ACVR1: variants seen among roughly 807,000 people sequenced by gnomAD.
ACVR1 encodes the protein activin A receptor type 1, also known as activin receptor type-1.
Under a neutral mutation model 57.1 loss-of-function variants are expected in ACVR1, and 38 were observed. That is an observed-to-expected ratio of 0.67 (90% confidence interval 0.51 to 0.87). The LOEUF (loss-of-function observed/expected upper bound fraction) is 0.87. Ranked by LOEUF, ACVR1 falls within the 40% of genes least tolerant of loss-of-function variation. The pLI is 0.00. For missense variants in ACVR1, 463 were observed against 638.2 expected (o/e 0.73, Z 2.96); for synonymous variants, 212 against 228.1 (o/e 0.93, Z 0.63).
intron 9 of ACVR1, among the ~76,000 whole-genome samples, chr2:157,746,351 T>A (rs1447943841): frequency 6.6e-6 from 1 of 152,096 alleles, no homozygotes; most frequent in Admixed American, 6.5e-5. Flanking sequence ...ACGAAACTGA[T>A]GTAAGTCATC....
Position 157,766,153 on chromosome 2 carries a change from C to T in ACVR1, c.834G>A (p.Gln278=). ...SDMTSRHSST[Q]LWLITHYHEM... ...CATGATAATGTGTAATTAACCACAG[C>T]TGGGTACTGGAGTGTCTTGATGTCA... The change falls in exon 8 of 11, where the codon CAG becomes CAA. Residue 278 remains glutamine, a synonymous_variant. Transcript: ENST00000434821. 6 of 1,614,056 alleles carry T rather than the reference C, an allele frequency of 3.7e-6. No homozygotes were observed. Among genetic ancestry groups the T allele is most frequent in the Non-Finnish European group, 5.1e-6 (6 of 1,179,996 alleles).
intron 2 of ACVR1, among the ~76,000 whole-genome samples, chr2:157,800,175 A>G (rs1687269437): frequency 6.6e-6 from 1 of 152,238 alleles, no homozygotes; most frequent in African/African-American, 2.4e-5. Flanking sequence ...CAGGAATGTG[A>G]TGGGAGTTTG....
At chr2:157,771,190 C>G (rs183415105) in intron 6 of ACVR1, among the ~76,000 whole-genome samples, 49 of 152,272 alleles carry the variant, frequency 3.2e-4, no homozygotes, top group Non-Finnish European at 5.6e-4. Context: ...ATACATAATC[C>G]CAGAAGAGTT....
chr2:157,746,408 T>C (rs1574011241), intron 9 of ACVR1, among the ~76,000 whole-genome samples: 1 of 152,204 alleles, frequency 6.6e-6, no homozygotes, highest in African/African-American at 2.4e-5. Flanking sequence ...GTGATTCCAC[T>C]TCACTGCCTC....
intron 8 of ACVR1, among the ~76,000 whole-genome samples, chr2:157,761,349 C>T (rs1685648902): frequency 6.6e-6 from 1 of 152,114 alleles, no homozygotes; most frequent in Admixed American, 6.5e-5. Flanking sequence ...TAGACCAATG[C>T]ACTAAACCAA....
intron 2 of ACVR1, among the ~76,000 whole-genome samples, chr2:157,814,719 T>C (rs1687869635): frequency 6.6e-6 from 1 of 152,206 alleles, no homozygotes. Context: ...AAACTGGAAA[T>C]GATCTATATA....
At chr2:157,801,803 T>C (rs1265644206) in intron 2 of ACVR1, among the ~76,000 whole-genome samples, 1 of 152,220 alleles carries the variant, frequency 6.6e-6, no homozygotes, top group Non-Finnish European at 1.5e-5. Context: ...TTATGGGATA[T>C]GTCATCACAA....
intron 1 of ACVR1, among the ~76,000 whole-genome samples, chr2:157,823,472 G>A (rs1196965790): frequency 2.0e-5 from 3 of 152,054 alleles, no homozygotes; most frequent in African/African-American, 4.8e-5. Flanking sequence ...GGGGAACGAG[G>A]GCAGAGCATG....
chr2:157,823,254 C>T (rs1463077876), intron 1 of ACVR1, among the ~76,000 whole-genome samples: 2 of 152,162 alleles, frequency 1.3e-5, no homozygotes, highest in African/African-American at 4.8e-5. Flanking sequence ...ATTGTGTTGA[C>T]TCATACAATT....
At position 157,807,860 on chromosome 2, in the gene ACVR1, G is replaced by GA. The variant is rs200458528; in HGVS notation, c.-7-8361_-7-8360insT. Among the ~76,000 whole-genome samples the GA allele has an allele frequency of 7.7e-3, 741 of 96,576 alleles. 43 individuals carry two copies. The highest frequency in any genetic ancestry group is 0.026 in the African/African-American group (696 of 26,928). The allele number at this position is 96,576 out of a possible 152,430, so 63.4% of individuals were successfully genotyped here. On this transcript the variant is annotated intron_variant, in intron 2 of 10. Transcript: ENST00000434821. ...TGATTAATCTATAATAATTTGGGGG[G>GA]GGGGGTGGGTATAAGATGAAAGGAA...
intron 5 of ACVR1, among the ~76,000 whole-genome samples, chr2:157,776,898 A>C (rs1017374446): frequency 2.0e-5 from 3 of 152,236 alleles, no homozygotes; most frequent in Non-Finnish European, 4.4e-5. Context: ...GCATTAAGTA[A>C]AACTGAATCA....
intron 5 of ACVR1, among the ~76,000 whole-genome samples, 174 bp downstream of exon 5, chr2:157,777,957 A>T (rs1169862067): frequency 6.6e-6 from 1 of 152,176 alleles, no homozygotes; most frequent in Non-Finnish European, 1.5e-5. Flanking sequence ...GGCTGTTCTG[A>T]TATGGGAAGA....
chr2:157,858,929 C>T (rs575215539), intron 1 of ACVR1, among the ~76,000 whole-genome samples: 3 of 152,292 alleles, frequency 2.0e-5, no homozygotes, highest in Admixed American at 2.0e-4. Context: ...TGTTTTTCTT[C>T]CGACAACTCA....
intron 1 of ACVR1, among the ~76,000 whole-genome samples, chr2:157,860,932 T>C (rs998838383): frequency 6.6e-6 from 1 of 152,198 alleles, no homozygotes; most frequent in Non-Finnish European, 1.5e-5. Context: ...AGCCTGAGAC[T>C]CTGTGTTTCT....
At chr2:157,741,022 T>C (rs373085437) in intron 9 of ACVR1, among the ~76,000 whole-genome samples, 3 of 152,134 alleles carry the variant, frequency 2.0e-5, no homozygotes. Flanking sequence ...AATAAATCAG[T>C]TGAAAGTGCA....
intron 8 of ACVR1, among the ~76,000 whole-genome samples, chr2:157,764,497 C>T (rs750472803): frequency 5.3e-5 from 8 of 151,742 alleles, no homozygotes; most frequent in Non-Finnish European, 1.0e-4. Context: ...CGTGAGCCAC[C>T]GCGCCCGGCC....
intron 9 of ACVR1, among the ~76,000 whole-genome samples, chr2:157,741,423 C>G (rs1684759817): frequency 1.3e-5 from 2 of 151,822 alleles, no homozygotes; most frequent in Admixed American, 1.3e-4. Context: ...GTCAAGAGAT[C>G]AAGACCATCC....
chr2:157,776,262 G>T (rs1686283905), intron 5 of ACVR1, among the ~76,000 whole-genome samples: 1 of 152,198 alleles, frequency 6.6e-6, no homozygotes, highest in African/African-American at 2.4e-5. Context: ...CATTTAAACA[G>T]TAATTTATAC....
intron 1 of ACVR1, among the ~76,000 whole-genome samples, chr2:157,864,074 G>C (rs1241929751): frequency 1.3e-5 from 2 of 151,806 alleles, no homozygotes; most frequent in African/African-American, 4.8e-5. Flanking sequence ...ATGTTAGTCA[G>C]GATGGTCTCG....
Sources: allele counts gnomAD v4.1 joint callset (sites outside exome capture counted in the v4.1 genomes callset), GRCh38; gene constraint gnomAD v4.1.1; transcripts MANE v1.5; gene names NCBI Gene and HGNC (gene_info 2026-07-23, HGNC 2026-07-21).